Variants in CNTNAP2 observed in about 807,000 individuals in gnomAD.
CNTNAP2 encodes contactin-associated protein-like 2.
In CNTNAP2, 98 loss-of-function variants were observed where a neutral mutation model predicts 155.2. The ratio of observed to expected loss-of-function variants is 0.63; its 90% CI spans 0.54 to 0.75. CNTNAP2 has a LOEUF of 0.75. Ranked by LOEUF, CNTNAP2 falls within the 30% of genes least tolerant of loss-of-function variation. CNTNAP2 has a pLI of 0.00. For missense variants in CNTNAP2, 1,727 were observed against 1,688.1 expected (o/e 1.02, Z -0.40); for synonymous variants, 651 against 631.2 (o/e 1.03, Z -0.47).
At chr7:146,688,305 A>C (rs1048062751) in intron 1 of CNTNAP2, among the ~76,000 whole-genome samples, 1 of 152,184 alleles carries the variant, frequency 6.6e-6, no homozygotes, top group Non-Finnish European at 1.5e-5. Context: ...ATTCTGCAAT[A>C]ATCATTGTGT....
chr7:146,251,923 A>G (rs886267615), intron 1 of CNTNAP2, among the ~76,000 whole-genome samples: 3 of 152,202 alleles, frequency 2.0e-5, no homozygotes, highest in Admixed American at 6.5e-5. Flanking sequence ...TTGTATTGCA[A>G]TAACCTACAA....
At chr7:146,828,877 C>T (rs1585111148) in intron 2 of CNTNAP2, among the ~76,000 whole-genome samples, 1 of 152,134 alleles carries the variant, frequency 6.6e-6, no homozygotes, top group Non-Finnish European at 1.5e-5. Context: ...TGTTTTTACA[C>T]TCTGGCTCAG....
At chr7:148,329,062 T>C (rs1357277146) in intron 21 of CNTNAP2, among the ~76,000 whole-genome samples, 1 of 149,448 alleles carries the variant, frequency 6.7e-6, no homozygotes, top group Non-Finnish European at 1.5e-5. Flanking sequence ...TTCTCCATGC[T>C]GCTGCCTGGG....
intron 8 of CNTNAP2, among the ~76,000 whole-genome samples, chr7:147,151,874 A>G (rs985324310): frequency 4.6e-5 from 7 of 152,138 alleles, no homozygotes; most frequent in African/African-American, 1.2e-4. Context: ...AGCTGGGTCT[A>G]TCTTTGGCTT....
At chr7:148,296,545 C>CAAAA (rs143609414) in intron 21 of CNTNAP2, among the ~76,000 whole-genome samples, 939 of 76,526 alleles carry the variant, frequency 0.012, 49 homozygotes, top group African/African-American at 0.031. Flanking sequence ...GACTCTGTCT[C>CAAAA]AAAAAAAAAA....
intron 1 of CNTNAP2, among the ~76,000 whole-genome samples, chr7:146,618,525 T>G (rs1413140319): frequency 6.6e-6 from 1 of 152,182 alleles, no homozygotes; most frequent in African/African-American, 2.4e-5. Flanking sequence ...CCTATGATGA[T>G]GAATGAGTGT....
intron 10 of CNTNAP2, among the ~76,000 whole-genome samples, chr7:147,453,392 C>G (rs7807007): frequency 0.79 from 120,539 of 152,080 alleles, 48,364 homozygotes; most frequent in African/African-American, 0.93. Flanking sequence ...TTATTGTGTA[C>G]CTGTTGCTGT....
chr7:147,621,726 C>CA (rs1051870599), intron 12 of CNTNAP2, among the ~76,000 whole-genome samples: 22 of 151,542 alleles, frequency 1.5e-4, no homozygotes, highest in African/African-American at 3.4e-4. Context: ...AAAGAGAAGA[C>CA]AAAAAAACAA....
chr7:146,359,904 T>A (rs1387549048), intron 1 of CNTNAP2, among the ~76,000 whole-genome samples: 1 of 152,196 alleles, frequency 6.6e-6, no homozygotes, highest in Non-Finnish European at 1.5e-5. Context: ...TATTCTTCCC[T>A]TTTAATCCAG....
At chr7:146,565,140 C>A (rs1480003499) in intron 1 of CNTNAP2, among the ~76,000 whole-genome samples, 1 of 151,916 alleles carries the variant, frequency 6.6e-6, no homozygotes, top group South Asian at 2.1e-4. Flanking sequence ...GTTAAACACA[C>A]ACACACATAC....
intron 18 of CNTNAP2, among the ~76,000 whole-genome samples, chr7:148,177,278 A>G (rs780003416): frequency 1.3e-5 from 2 of 152,154 alleles, no homozygotes; most frequent in African/African-American, 2.4e-5. Flanking sequence ...CCTAAATCCA[A>G]TGACTGTGTC....
At chr7:148,321,117 G>A (rs987834575) in intron 21 of CNTNAP2, among the ~76,000 whole-genome samples, 2 of 152,182 alleles carry the variant, frequency 1.3e-5, no homozygotes, top group Admixed American at 6.5e-5. Context: ...TACACGTGAA[G>A]GAGAGTAGTG....
chr7:146,418,336 C>G (rs1795965881), intron 1 of CNTNAP2, among the ~76,000 whole-genome samples: 1 of 152,020 alleles, frequency 6.6e-6, no homozygotes, highest in Non-Finnish European at 1.5e-5. Context: ...CTTAAATAAC[C>G]CCAGTGAGGA....
Position 146,906,502 on chromosome 7 carries a change from C to T in CNTNAP2, c.402+66598C>T, listed in dbSNP as rs892218475. ...CAAGTGGGTCCCTGACCCCTGACCC[C>T]CGAGCAGCCTAACTGGGAGGCACCC... On this transcript the variant is annotated intron_variant, in intron 3 of 23. Transcript: ENST00000361727. 8.5e-3 allele frequency among the ~76,000 whole-genome samples: 1,288 copies of T among 152,166 alleles called. 18 individuals are homozygous for T. Among genetic ancestry groups the T allele is most frequent in the African/African-American group, 0.03 (1,237 of 41,510 alleles).
chr7:147,681,734 G>A (rs1795949998), intron 13 of CNTNAP2, among the ~76,000 whole-genome samples: 1 of 151,928 alleles, frequency 6.6e-6, no homozygotes, highest in East Asian at 1.9e-4. Flanking sequence ...CCATGGTTTA[G>A]CTTTCTGTAC....
intron 8 of CNTNAP2, among the ~76,000 whole-genome samples, chr7:147,243,427 C>T (rs1466055900): frequency 1.3e-5 from 2 of 152,142 alleles, no homozygotes; most frequent in Non-Finnish European, 1.5e-5. Flanking sequence ...CACCCTTCCT[C>T]CTCCCCCATC....
chr7:148,022,480 A>AGAAAAGAAAAAAAGAAAAG (rs1554463128), intron 15 of CNTNAP2, among the ~76,000 whole-genome samples: 1 of 138,288 alleles, frequency 7.2e-6, no homozygotes, highest in South Asian at 2.2e-4. Context: ...AAAAAAAAAA[A>AGAAAAGAAAAAAAGAAAAG]AAAAGAAAAG....
chr7:148,372,176 T>G (rs1220255400), intron 21 of CNTNAP2, among the ~76,000 whole-genome samples: 2 of 151,928 alleles, frequency 1.3e-5, no homozygotes, highest in Non-Finnish European at 2.9e-5. Flanking sequence ...CACTCCAGCC[T>G]GGGGACAGAA....
intron 21 of CNTNAP2, among the ~76,000 whole-genome samples, chr7:148,302,627 G>A (rs1036642386): frequency 6.6e-6 from 1 of 152,038 alleles, no homozygotes; most frequent in Non-Finnish European, 1.5e-5. Flanking sequence ...CTGTTCTCAG[G>A]ATAGTGAGTG....
Sources: allele counts gnomAD v4.1 joint callset (sites outside exome capture counted in the v4.1 genomes callset), GRCh38; gene constraint gnomAD v4.1.1; transcripts MANE v1.5; gene names NCBI Gene and HGNC (gene_info 2026-07-23, HGNC 2026-07-21).